The following SLIT2 variants were observed in gnomAD, a reference collection of about 807,000 sequenced individuals.
The protein encoded by SLIT2 is slit guidance ligand 2.
A neutral mutation model predicts 185.7 loss-of-function variants in SLIT2; 41 were observed. The ratio of observed to expected loss-of-function variants is 0.22; its 90% confidence interval spans 0.17 to 0.29. The LOEUF is 0.29. Ranked by LOEUF, SLIT2 falls within the 10% of genes least tolerant of loss-of-function variation. The probability of loss-of-function intolerance (pLI) is 1.00; values close to 1 mark genes in which losing one functional copy is unlikely to be tolerated. For missense variants in SLIT2, 1,571 were observed against 1,909.0 expected (o/e 0.82, Z 3.30); for synonymous variants, 693 against 680.2 (o/e 1.02, Z -0.29).
chr4:20,550,266 A>G (rs550609350), intron 24 of SLIT2, among the ~76,000 whole-genome samples: 23 of 152,132 alleles, frequency 1.5e-4, no homozygotes, highest in African/African-American at 5.3e-4. Context: ...TTTTTATTCT[A>G]ATGAGCTTGA....
chr4:20,326,370 A>G (rs1719590897), intron 4 of SLIT2, among the ~76,000 whole-genome samples: 1 of 151,996 alleles, frequency 6.6e-6, no homozygotes, highest in East Asian at 1.9e-4. Flanking sequence ...GACTTAGTTT[A>G]TTATTAAACT....
chr4:20,567,601 A>G lies in SLIT2; in HGVS notation c.2934A>G (p.Glu978=), dbSNP rs748937761. 2.5e-6 allele frequency: 4 copies of G among 1,612,498 alleles called. No individual in the cohort carries two copies. Among genetic ancestry groups the G allele is most frequent in the Non-Finnish European group, 3.4e-6 (4 of 1,178,688 alleles). The change falls in exon 28 of 37, where the codon GAA becomes GAG. Residue 978 remains glutamate, a synonymous_variant. Coordinates refer to ENST00000504154, the MANE Select transcript of SLIT2 (RefSeq NM_004787.4). The part of the protein sequence containing the change: ...HGGTCHLKEG[E]EDGFWCICAD... ...GAACTTGCCACTTAAAGGAAGGAGA[A>G]GAAGATGGATTCTGGTAGGTCATTA...
At chr4:20,331,337 C>T (rs558487620) in intron 4 of SLIT2, among the ~76,000 whole-genome samples, 3 of 152,004 alleles carry the variant, frequency 2.0e-5, no homozygotes, top group Non-Finnish European at 2.9e-5. Context: ...AAGTGATATT[C>T]GTTTACAAAA....
chr4:20,603,254 C>A (rs149668659), intron 33 of SLIT2, among the ~76,000 whole-genome samples: 1 of 152,114 alleles, frequency 6.6e-6, no homozygotes, highest in Admixed American at 6.5e-5. Context: ...GAGACTCATT[C>A]GCTACCATGA....
chr4:20,472,388 A>ATC (rs1560453754), intron 5 of SLIT2, among the ~76,000 whole-genome samples: 748 of 59,752 alleles, frequency 0.013, 30 homozygotes, highest in African/African-American at 0.021. Context: ...ATATATATGT[A>ATC]GATATATAGA....
At chr4:20,544,035 G>C (rs1033711425) in intron 21 of SLIT2, among the ~76,000 whole-genome samples, 4 of 151,998 alleles carry the variant, frequency 2.6e-5, no homozygotes. Context: ...GGTGTGGGGG[G>C]ATGGGGGAGG....
chr4:20,600,835 G>A (rs1344248726), intron 33 of SLIT2, among the ~76,000 whole-genome samples: 2 of 151,648 alleles, frequency 1.3e-5, no homozygotes, highest in African/African-American at 4.8e-5. Context: ...GAAAAGCTAT[G>A]ACCTTATTTT....
rs928477781 is a variant in SLIT2, at chr4:20,276,096, A to G, written c.395+7215A>G. The stretch of plus-strand genomic sequence containing the variant: ...ACATTGTCATCTTTATATAAATTGC[A>G]TAGGTGATTTTAAGTGTATTTTTAG... On this transcript the variant is annotated intron_variant, in intron 4 of 36. Coordinates refer to ENST00000504154, the MANE Select transcript of SLIT2 (RefSeq NM_004787.4). Among the ~76,000 whole-genome samples, 10 of 152,262 alleles carry G rather than the reference A, an allele frequency of 6.6e-5. No homozygotes were observed. The South Asian group carries it at 1.9e-3, about 28-fold the overall frequency.
chr4:20,534,325 A>C (rs541631322), intron 18 of SLIT2, among the ~76,000 whole-genome samples: 1 of 152,168 alleles, frequency 6.6e-6, no homozygotes. Context: ...TTTCAAAGAA[A>C]ACATGCTAAG....
At chr4:20,460,956 T>A (rs946283807) in intron 4 of SLIT2, among the ~76,000 whole-genome samples, 1 of 152,248 alleles carries the variant, frequency 6.6e-6, no homozygotes, top group Admixed American at 6.5e-5. Flanking sequence ...ATGTAAACAC[T>A]AATTTATATT....
intron 18 of SLIT2, among the ~76,000 whole-genome samples, chr4:20,538,766 A>G (rs1722528407): frequency 6.7e-6 from 1 of 149,108 alleles, no homozygotes; most frequent in Non-Finnish European, 1.5e-5. Context: ...TGTTAATCCT[A>G]TAATGACAAT....
chr4:20,255,264 G>A (rs1255641236), intron 1 of SLIT2, among the ~76,000 whole-genome samples: 1 of 152,214 alleles, frequency 6.6e-6, no homozygotes, highest in Non-Finnish European at 1.5e-5. Flanking sequence ...TGCACTTCAA[G>A]TCGCCCTTCT....
At chr4:20,274,814 C>T (rs1714000879) in intron 4 of SLIT2, among the ~76,000 whole-genome samples, 1 of 151,760 alleles carries the variant, frequency 6.6e-6, no homozygotes, top group Non-Finnish European at 1.5e-5. Flanking sequence ...TCTAACTCCA[C>T]CAACAAGTAC....
chr4:20,282,019 C>A (rs139705575), intron 4 of SLIT2, among the ~76,000 whole-genome samples: 16 of 152,296 alleles, frequency 1.1e-4, no homozygotes, highest in African/African-American at 3.6e-4. Flanking sequence ...ATATTTTGTG[C>A]TTTTCTGATT....
At chr4:20,293,646 C>G (rs1560290902) in intron 4 of SLIT2, among the ~76,000 whole-genome samples, 1 of 152,204 alleles carries the variant, frequency 6.6e-6, no homozygotes. Flanking sequence ...CATTTCCCAT[C>G]TTCTACTATT....
At chr4:20,429,267 T>C (rs1030139207) in intron 4 of SLIT2, among the ~76,000 whole-genome samples, 2 of 152,224 alleles carry the variant, frequency 1.3e-5, no homozygotes, top group Non-Finnish European at 2.9e-5. Context: ...AAATTATTTT[T>C]TTCATATGTT....
intron 8 of SLIT2, chr4:20,490,689 T>G (rs995293733): frequency 4.1e-6 from 3 of 739,552 alleles, no homozygotes; most frequent in Admixed American, 2.5e-5. Context: ...TATAATATCA[T>G]GGAATGTTCT....
chr4:20,377,221 T>C (rs1339079751), intron 4 of SLIT2, among the ~76,000 whole-genome samples: 1 of 152,098 alleles, frequency 6.6e-6, no homozygotes, highest in Admixed American at 6.6e-5. Context: ...TCTAAATCAT[T>C]CTCAAATAGA....
chr4:20,487,287 G>A (rs1283548067), intron 7 of SLIT2, among the ~76,000 whole-genome samples: 2 of 151,958 alleles, frequency 1.3e-5, no homozygotes, highest in African/African-American at 4.8e-5. Context: ...TTGCATTCTT[G>A]GGGCTATCAG....
Sources: gnomAD v4.1 joint callset for allele counts (sites outside exome capture counted in the v4.1 genomes callset) on GRCh38, gnomAD v4.1.1 for gene constraint, MANE v1.5 for transcripts, NCBI Gene and HGNC (gene_info 2026-07-23, HGNC 2026-07-21) for gene names.